CAST: variants seen among roughly 807,000 people sequenced by gnomAD.
The protein encoded by CAST is MIR583 host.
CAST carries 76 observed loss-of-function variants against 119.6 expected under a neutral mutation model. The ratio of observed to expected loss-of-function variants is 0.64; its 90% CI spans 0.53 to 0.77. CAST has a LOEUF of 0.77. CAST is among the 30% of genes least tolerant of loss of function. CAST has a pLI of 0.00. For missense variants in CAST, 953 were observed against 946.5 expected (o/e 1.01, Z -0.09); for synonymous variants, 319 against 331.6 (o/e 0.96, Z 0.41).
chr5:95,993,759 T>C, the CAST span, among the ~76,000 whole-genome samples: 1 of 152,024 alleles, frequency 6.6e-6, no homozygotes, highest in African/African-American at 2.4e-5. Context: ...ATTCAGAATA[T>C]ATAAAGAACT....
the CAST span, among the ~76,000 whole-genome samples, chr5:96,409,480 T>C: frequency 6.6e-6 from 1 of 152,220 alleles, no homozygotes; most frequent in African/African-American, 2.4e-5. Context: ...GTTATGTTAC[T>C]GAGACTGTCT....
At chr5:96,641,888 AG>A (rs1242620188) in intron 1 of CAST, among the ~76,000 whole-genome samples, 2 of 152,238 alleles carry the variant, frequency 1.3e-5, no homozygotes, top group Non-Finnish European at 2.9e-5. Context: ...TTTAAAGCCC[AG>A]GATCCTCACA....
chr5:96,192,912 G>A, the CAST span, among the ~76,000 whole-genome samples: 1 of 150,650 alleles, frequency 6.6e-6, no homozygotes. Context: ...AAATCACAAT[G>A]AGAAATACAT....
chr5:96,206,930 T>C, the CAST span, among the ~76,000 whole-genome samples: 1 of 152,158 alleles, frequency 6.6e-6, no homozygotes, highest in Non-Finnish European at 1.5e-5. Context: ...ATTCTTCCTA[T>C]CCATGAGCAT....
chr5:96,354,469 T>G, the CAST span, among the ~76,000 whole-genome samples: 6 of 152,012 alleles, frequency 3.9e-5, no homozygotes, highest in Non-Finnish European at 8.8e-5. Flanking sequence ...ATGCCTGAGA[T>G]TCTATAATGC....
the CAST span, chr5:95,961,764 T>C: frequency 6.5e-7 from 1 of 1,548,076 alleles, no homozygotes; most frequent in East Asian, 2.4e-5. Flanking sequence ...GCTCCGGCTC[T>C]AGCCTCCACT....
At chr5:95,977,658 C>CT in the CAST span, among the ~76,000 whole-genome samples, 4 of 151,654 alleles carry the variant, frequency 2.6e-5, no homozygotes, top group South Asian at 2.1e-4. Context: ...TTTTTTTTCA[C>CT]TTTTTTTTAA....
chr5:96,089,485 A>G, the CAST span, among the ~76,000 whole-genome samples: 3 of 152,254 alleles, frequency 2.0e-5, no homozygotes, highest in South Asian at 2.1e-4. Context: ...AGGATGAGTT[A>G]AATAAGTTAT....
chr5:96,605,786 C>T (rs1239501634), intron 1 of CAST, among the ~76,000 whole-genome samples: 1 of 152,172 alleles, frequency 6.6e-6, no homozygotes, highest in African/African-American at 2.4e-5. Context: ...ATTTATAAAA[C>T]ATTAATAAAT....
At chr5:96,349,137 C>CTTTTTTTTTTTTTTTTTTTTTTTTTTT in the CAST span, among the ~76,000 whole-genome samples, 13 of 31,276 alleles carry the variant, frequency 4.2e-4, no homozygotes, top group Non-Finnish European at 5.3e-4. Context: ...AACAAGGACA[C>CTTTTTTTTTTTTTTTTTTTTTTTTTTT]TATTTTTTTT....
intron 3 of CAST, among the ~76,000 whole-genome samples, chr5:96,720,366 A>G (rs1758015344): frequency 6.6e-6 from 1 of 152,272 alleles, no homozygotes; most frequent in Non-Finnish European, 1.5e-5. Flanking sequence ...AAGAGTATAC[A>G]ATGAAAGTGT....
At chr5:96,111,360 C>A in the CAST span, among the ~76,000 whole-genome samples, 1 of 152,210 alleles carries the variant, frequency 6.6e-6, no homozygotes, top group Admixed American at 6.5e-5. Context: ...AACCTGGACA[C>A]TTTCCCAATA....
Position 96,742,339 on chromosome 5 carries a change from C to CT in CAST, c.1099-306dup, listed in dbSNP as rs374980021. 922 of 194,388 alleles carry CT rather than the reference C, an allele frequency of 4.7e-3. 1 individual carries two copies. The highest frequency in any genetic ancestry group is 0.013 in the Middle Eastern group (7 of 530). The allele number at this position is 194,388 out of a possible 1,614,324, so 12.0% of individuals were successfully genotyped here. ...TGTGGTAACAGTTTACTACTTGCTT[C>CT]TTTTTTTTTTGTTTGTTTAGAGTAT... On this transcript the variant is annotated intron_variant, in intron 15 of 31. Transcript: ENST00000675179.
intron 1 of CAST, among the ~76,000 whole-genome samples, chr5:96,541,377 G>C (rs1745910230): frequency 6.6e-6 from 1 of 151,782 alleles, no homozygotes; most frequent in South Asian, 2.1e-4. Flanking sequence ...GACACTACAA[G>C]TTGCTAGGCT....
the CAST span, among the ~76,000 whole-genome samples, chr5:96,229,714 G>T: frequency 6.6e-6 from 1 of 152,174 alleles, no homozygotes; most frequent in East Asian, 1.9e-4. Context: ...AGTGTGCCCT[G>T]TTTTTCACTC....
the CAST span, among the ~76,000 whole-genome samples, chr5:96,222,463 C>T: frequency 6.6e-6 from 1 of 152,008 alleles, no homozygotes; most frequent in South Asian, 2.1e-4. Flanking sequence ...CATGAATAAA[C>T]AGTTCTCAAA....
chr5:96,479,468 T>TTTTTA, the CAST span, among the ~76,000 whole-genome samples: 1 of 144,534 alleles, frequency 6.9e-6, no homozygotes, highest in Admixed American at 6.9e-5. Context: ...TTTTTTTTTT[T>TTTTTA]GAGATGGAGT....
intron 1 of CAST, among the ~76,000 whole-genome samples, chr5:96,530,420 C>T (rs1191505268): frequency 1.3e-5 from 2 of 152,028 alleles, no homozygotes; most frequent in South Asian, 2.1e-4. Context: ...ATACTGGAAA[C>T]CAATAATTGA....
the CAST span, among the ~76,000 whole-genome samples, chr5:96,144,728 C>T: frequency 1.3e-5 from 2 of 151,102 alleles, no homozygotes; most frequent in African/African-American, 4.9e-5. Context: ...AGTGCAGCAG[C>T]GTGATCTCGG....
Sources: gnomAD v4.1 joint callset for allele counts (sites outside exome capture counted in the v4.1 genomes callset) on GRCh38, gnomAD v4.1.1 for gene constraint, MANE v1.5 for transcripts, NCBI Gene and HGNC (gene_info 2026-07-23, HGNC 2026-07-21) for gene names.